The following MON2 variants were observed in gnomAD, a reference collection of about 807,000 sequenced individuals.
MON2 encodes the protein protein MON2 homolog.
In MON2, 84 loss-of-function variants were observed where a neutral mutation model predicts 208.6. The ratio of observed to expected loss-of-function variants is 0.40; its 90% CI spans 0.34 to 0.48. The LOEUF (loss-of-function observed/expected upper bound fraction) is 0.48, where lower values mean the gene tolerates loss of function less well. Among genes scored for constraint, MON2 ranks in the 20% least tolerant of loss-of-function variants. The probability of loss-of-function intolerance (pLI) is 0.59; values close to 1 mark genes in which losing one functional copy is unlikely to be tolerated. For missense variants in MON2, 1,611 were observed against 2,015.4 expected (o/e 0.80, Z 3.84); for synonymous variants, 660 against 694.0 (o/e 0.95, Z 0.77).
intron 20 of MON2, among the ~76,000 whole-genome samples, chr12:62,544,270 C>A (rs1158052805): frequency 3.3e-5 from 5 of 151,986 alleles, no homozygotes; most frequent in African/African-American, 1.2e-4. Flanking sequence ...CATAGGGAGA[C>A]ACCATTTCTA....
chr12:62,547,016 T>G lies in MON2; in HGVS notation c.2697T>G (p.Leu899=). ...TTCTGCAGAGTCAGGGAGACAGTCT[T>G]GGGCCTGGATGGCCATTAGTGCTTG... The part of the protein sequence containing the change: ...LQILQSQGDS[L]GPGWPLVLGV... Residue 899 remains leucine (L), a synonymous_variant, in exon 22 of 35, where the codon CTT becomes CTG. Transcript: ENST00000393630. 6.2e-7 allele frequency: 1 copy of G among 1,610,068 alleles called. No individual in the cohort carries two copies.
intron 11 of MON2, among the ~76,000 whole-genome samples, chr12:62,526,525 A>G (rs953132686): frequency 4.6e-5 from 7 of 152,026 alleles, no homozygotes; most frequent in African/African-American, 1.4e-4. Flanking sequence ...TCAGAATTCT[A>G]TATGTAAGAA....
chr12:62,501,625 C>A lies in MON2; in HGVS notation c.716C>A (p.Thr239Lys). Residue 239 changes from threonine to lysine, a missense_variant, in exon 7 of 35, where the codon ACA (threonine) becomes AAA (lysine). Transcript: ENST00000393630. Reference protein sequence around the residue: ...ADAPYWLVGMTEMTRTFGLEL... With the variant: ...ADAPYWLVGMKEMTRTFGLEL... ...GCTCCTTATTGGCTAGTGGGCATGACAGAAATGACTCGGACGTTTGGCCTC... is the reference window on the plus strand; with the variant it reads ...GCTCCTTATTGGCTAGTGGGCATGAAAGAAATGACTCGGACGTTTGGCCTC... The A allele has an allele frequency of 6.2e-7, 1 of 1,614,086 alleles. No homozygotes were observed. The highest frequency in any genetic ancestry group is 8.5e-7 in the Non-Finnish European group (1 of 1,179,926).
chr12:62,506,725 CAA>C (rs11372859), intron 7 of MON2, among the ~76,000 whole-genome samples: 1 of 144,660 alleles, frequency 6.9e-6, no homozygotes, highest in Non-Finnish European at 1.5e-5. Context: ...AACTCCATCT[CAA>C]AAAAAAAAAA....
At chr12:62,552,278 G>GA in intron 23 of MON2, among the ~76,000 whole-genome samples, 1 of 152,126 alleles carries the variant, frequency 6.6e-6, no homozygotes, top group East Asian at 1.9e-4. Context: ...TTTTACATGG[G>GA]AAAAAATGTA....
At chr12:62,581,005 G>A (rs766868438) in intron 32 of MON2, among the ~76,000 whole-genome samples, 2 of 152,138 alleles carry the variant, frequency 1.3e-5, no homozygotes, top group African/African-American at 4.8e-5. Context: ...TACTATGCTA[G>A]AATGTTATAT....
intron 30 of MON2, among the ~76,000 whole-genome samples, chr12:62,574,972 A>T (rs932216071): frequency 5.9e-5 from 9 of 152,140 alleles, no homozygotes; most frequent in African/African-American, 1.4e-4. Context: ...AAAAAAATTT[A>T]AAAATTAGCC....
intron 1 of MON2, chr12:62,470,685 T>G: frequency 8.9e-7 from 1 of 1,118,264 alleles, no homozygotes; most frequent in Non-Finnish European, 1.1e-6. Context: ...ACTTTCTTAT[T>G]ATTTCCTATT....
At position 62,593,463 on chromosome 12, in the gene MON2, T is replaced by C. The variant is rs1429627639; in HGVS notation, c.*714T>C. The stretch of plus-strand genomic sequence containing the variant: ...ATTTTAAATGTATTATTAGTGACCA[T>C]TAAACATCTGACCAGTAAGGTCATG... On this transcript the variant is annotated 3_prime_UTR_variant, in exon 35 of 35. Coordinates refer to ENST00000393630, the MANE Select transcript of MON2 (RefSeq NM_015026.3). The C allele has an allele frequency of 6.6e-6, 1 of 152,600 alleles. No homozygotes were observed. The highest frequency in any genetic ancestry group is 1.5e-5 in the Non-Finnish European group (1 of 67,990). 9.5% of individuals were successfully genotyped at this position (152,600 alleles called of 1,614,324 possible). A position where few individuals can be genotyped will look rare whatever the true frequency, so the allele number is the denominator to read the frequency against.
At chr12:62,476,080 A>G (rs1206241281) in intron 1 of MON2, among the ~76,000 whole-genome samples, 4 of 152,164 alleles carry the variant, frequency 2.6e-5, no homozygotes, top group Non-Finnish European at 5.9e-5. Flanking sequence ...ATTTTTAGTT[A>G]TATACATGTA....
intron 1 of MON2, among the ~76,000 whole-genome samples, chr12:62,471,327 C>T (rs568517546): frequency 5.3e-5 from 8 of 152,218 alleles, no homozygotes; most frequent in Admixed American, 1.3e-4. Context: ...GGATCACAGG[C>T]GCGTGCCACC....
chr12:62,503,616 T>C (rs1356629581), intron 7 of MON2, among the ~76,000 whole-genome samples: 8 of 152,250 alleles, frequency 5.3e-5, no homozygotes, highest in Non-Finnish European at 1.2e-4. Flanking sequence ...CCTTATGCTC[T>C]GTGGAACTTT....
chr12:62,584,319 A>G (rs763416751), intron 32 of MON2, among the ~76,000 whole-genome samples: 2 of 152,170 alleles, frequency 1.3e-5, no homozygotes, highest in South Asian at 2.1e-4. Context: ...TCGGAGGTAC[A>G]TGCGCTCAAA....
At chr12:62,494,970 A>G in intron 3 of MON2, 46 bp from the exon 4 acceptor site, 1 of 1,441,822 alleles carries the variant, frequency 6.9e-7, no homozygotes, top group South Asian at 1.3e-5. Context: ...GGACATCAAC[A>G]TCTATATTGT....
Position 62,592,851 on chromosome 12 carries a change from G to C in MON2, c.*102G>C. On this transcript the variant is annotated 3_prime_UTR_variant, in exon 35 of 35. Coordinates refer to ENST00000393630, the MANE Select transcript of MON2 (RefSeq NM_015026.3). ...CATTTCTTACTGCAGATAATTCTTG[G>C]CAGCTGTTGTTGGCCTCCTTTAAAT... The C allele has an allele frequency of 3.2e-6, 4 of 1,235,906 alleles. No homozygotes were observed. Among genetic ancestry groups the C allele is most frequent in the Non-Finnish European group, 4.4e-6 (4 of 906,290 alleles). 76.6% of individuals were successfully genotyped at this position (1,235,906 alleles called of 1,614,324 possible).
intron 31 of MON2, 54 bp downstream of exon 31, chr12:62,578,559 A>C (rs2074879245): frequency 1.0e-5 from 12 of 1,160,064 alleles, no homozygotes; most frequent in Non-Finnish European, 1.2e-5. Flanking sequence ...ACCAAATAGT[A>C]AAAATGTTTG....
At chr12:62,519,953 C>A (rs1416953574) in intron 8 of MON2, among the ~76,000 whole-genome samples, 1 of 152,212 alleles carries the variant, frequency 6.6e-6, no homozygotes, top group Non-Finnish European at 1.5e-5. Flanking sequence ...GTAGCTGGGA[C>A]TACTGGCGCC....
intron 20 of MON2, 51 bp from the exon 21 acceptor site, chr12:62,544,847 G>A (rs564196591): frequency 1.1e-5 from 18 of 1,581,964 alleles, no homozygotes; most frequent in Middle Eastern, 1.7e-4. Flanking sequence ...AAATTGATGT[G>A]TGATTCATAG....
chr12:62,497,476 T>C (rs913321796), intron 4 of MON2, among the ~76,000 whole-genome samples: 2 of 152,152 alleles, frequency 1.3e-5, no homozygotes, highest in Non-Finnish European at 2.9e-5. Context: ...GAAATAGTAT[T>C]ATGCTTCCAT....
Sources: allele counts gnomAD v4.1 joint callset (sites outside exome capture counted in the v4.1 genomes callset), GRCh38; gene constraint gnomAD v4.1.1; transcripts MANE v1.5; gene names NCBI Gene and HGNC (gene_info 2026-07-23, HGNC 2026-07-21).